LNX2: variants seen among roughly 807,000 people sequenced by gnomAD.
LNX2 encodes ligand of numb-protein X 2, also known as ligand of Numb protein X 2.
LNX2 carries 35 observed loss-of-function variants against 66.2 expected under a neutral mutation model. The ratio of observed to expected loss-of-function variants is 0.53; its 90% CI spans 0.40 to 0.70. The LOEUF (loss-of-function observed/expected upper bound fraction) is 0.70, where lower values mean the gene tolerates loss of function less well. Among genes scored for constraint, LNX2 ranks in the 30% least tolerant of loss-of-function variants. The pLI is 0.00. For synonymous variants in LNX2, 337 were observed against 315.6 expected (o/e 1.07, Z -0.72); for missense variants, 791 against 850.8 (o/e 0.93, Z 0.87).
At chr13:27,592,053 G>T (rs1218045110) in intron 1 of LNX2, among the ~76,000 whole-genome samples, 1 of 152,190 alleles carries the variant, frequency 6.6e-6, no homozygotes, top group Non-Finnish European at 1.5e-5. Context: ...AATGAGGAAA[G>T]TTCAGAGAAG....
intron 1 of LNX2, among the ~76,000 whole-genome samples, chr13:27,583,653 G>A (rs1955449691): frequency 6.6e-6 from 1 of 152,076 alleles, no homozygotes; most frequent in Non-Finnish European, 1.5e-5. Context: ...TACTGCTGAG[G>A]GATCAGGGAT....
In LNX2 at chr13:27,550,506, A is replaced by G; in HGVS notation, c.1779-15T>C. The G allele has an allele frequency of 1.3e-6, 2 of 1,584,628 alleles. No homozygotes were observed. The highest frequency in any genetic ancestry group is 8.6e-7 in the Non-Finnish European group (1 of 1,167,124). ...TATGAAGTGTGCTATAAACAAACAG[A>G]AAAATAAAGAAAAAATTAACATGGA... On this transcript the variant is annotated splice_polypyrimidine_tract_variant and intron_variant, in intron 8 of 9. Transcript: ENST00000316334.
At chr13:27,599,947 T>C (rs796630067) in intron 1 of LNX2, among the ~76,000 whole-genome samples, 16 of 152,246 alleles carry the variant, frequency 1.1e-4, no homozygotes, top group African/African-American at 3.1e-4. Context: ...ACAGCCTAGA[T>C]GAAGAAAACC....
At chr13:27,554,357 A>T (rs1593238204) in intron 7 of LNX2, among the ~76,000 whole-genome samples, 1 of 152,194 alleles carries the variant, frequency 6.6e-6, no homozygotes, top group Non-Finnish European at 1.5e-5. Context: ...TCATCACTAC[A>T]GTAATTTTGA....
chr13:27,554,824 T>C (rs1029456626), intron 7 of LNX2, among the ~76,000 whole-genome samples: 23 of 152,338 alleles, frequency 1.5e-4, no homozygotes, highest in South Asian at 6.2e-4. Flanking sequence ...CCAAAAACAG[T>C]TGTACCACTT....
At chr13:27,584,261 T>A (rs1383971354) in intron 1 of LNX2, among the ~76,000 whole-genome samples, 1 of 152,012 alleles carries the variant, frequency 6.6e-6, no homozygotes, top group Non-Finnish European at 1.5e-5. Flanking sequence ...AACATTAAAG[T>A]AGGCCAGATG....
At chr13:27,559,080 C>G (rs1224207216) in intron 6 of LNX2, among the ~76,000 whole-genome samples, 1 of 151,992 alleles carries the variant, frequency 6.6e-6, no homozygotes, top group Non-Finnish European at 1.5e-5. Context: ...ACTTCTGGCC[C>G]ACTGGAAGTT....
intron 2 of LNX2, among the ~76,000 whole-genome samples, chr13:27,577,887 G>A (rs1387030443): frequency 6.6e-6 from 1 of 152,184 alleles, no homozygotes; most frequent in Non-Finnish European, 1.5e-5. Flanking sequence ...ATGCTATATA[G>A]CTGATGTTGC....
At chr13:27,591,430 T>C (rs894414991) in intron 1 of LNX2, among the ~76,000 whole-genome samples, 3 of 152,364 alleles carry the variant, frequency 2.0e-5, no homozygotes, top group African/African-American at 4.8e-5. Context: ...TAGTTTCCTG[T>C]GTTTCCAAAA....
chr13:27,564,764 GATTTTCAA>G (rs1198861626), intron 4 of LNX2, among the ~76,000 whole-genome samples: 1 of 152,126 alleles, frequency 6.6e-6, no homozygotes, highest in African/African-American at 2.4e-5. Context: ...GCCTCTTCGA[GATTTTCAA>G]ATTGGCTCAC....
Position 27,556,309 on chromosome 13 carries a change from A to G in LNX2, c.1473T>C (p.Ser491=). 1 of 1,613,592 alleles carries G rather than the reference A, an allele frequency of 6.2e-7. No individual in the cohort carries two copies. Among genetic ancestry groups the G allele is most frequent in the East Asian group, 2.2e-5 (1 of 44,840 alleles). Residue 491 remains serine, a synonymous_variant, in exon 7 of 10, where the codon AGT becomes AGC. Transcript: ENST00000316334. ...MTVAGGRGSK[S]GELPIFVTSV... is the part of the protein sequence containing the mutation. Reference sequence around the variant, plus strand: ...TGGTCACAAAGATGGGCAGCTCACCACTCTTACTTCCCCTGCCCCCAGCAA... The same window carrying G: ...TGGTCACAAAGATGGGCAGCTCACCGCTCTTACTTCCCCTGCCCCCAGCAA...
intron 1 of LNX2, among the ~76,000 whole-genome samples, chr13:27,608,475 C>A (rs1237758375): frequency 6.6e-6 from 1 of 152,074 alleles, no homozygotes; most frequent in Non-Finnish European, 1.5e-5. Context: ...TGTTTATTCT[C>A]TTTGCATAGT....
intron 2 of LNX2, among the ~76,000 whole-genome samples, chr13:27,574,920 G>C (rs1326729249): frequency 6.6e-6 from 1 of 152,138 alleles, no homozygotes; most frequent in Admixed American, 6.5e-5. Flanking sequence ...AAAGTTCTGA[G>C]GGAAGGAGAG....
chr13:27,546,849 A>G lies in LNX2; in HGVS notation c.*1486T>C. On this transcript the variant is annotated 3_prime_UTR_variant, in exon 10 of 10. Transcript: ENST00000316334. ...ATATTTTTATCTTATTCACTTATTT[A>G]TGTGTTCAGAGGATAAGTATGTTGA... 1 of 152,164 alleles carries G rather than the reference A, an allele frequency of 6.6e-6. No homozygotes were observed. Among genetic ancestry groups the G allele is most frequent in the Non-Finnish European group, 1.5e-5 (1 of 67,998 alleles). The allele number at this position is 152,164 out of a possible 1,614,324, so 9.4% of individuals were successfully genotyped here.
chr13:27,557,486 G>C (rs1173383739), intron 6 of LNX2, among the ~76,000 whole-genome samples: 1 of 151,998 alleles, frequency 6.6e-6, no homozygotes. Flanking sequence ...ATCCCATTAA[G>C]TGTACAGTGT....
At chr13:27,596,483 G>A (rs1955600292) in intron 1 of LNX2, among the ~76,000 whole-genome samples, 1 of 152,126 alleles carries the variant, frequency 6.6e-6, no homozygotes, top group African/African-American at 2.4e-5. Flanking sequence ...AAAAGATGGT[G>A]AACAGGAAAG....
chr13:27,593,970 C>T (rs146155580), intron 1 of LNX2, among the ~76,000 whole-genome samples: 1 of 151,986 alleles, frequency 6.6e-6, no homozygotes, highest in East Asian at 1.9e-4. Flanking sequence ...CCAATTACTT[C>T]CTTTATACAA....
intron 7 of LNX2, among the ~76,000 whole-genome samples, chr13:27,555,111 G>C (rs1955042014): frequency 6.6e-6 from 1 of 152,096 alleles, no homozygotes; most frequent in Non-Finnish European, 1.5e-5. Context: ...ACCACAGCTA[G>C]CTAATTTTTG....
chr13:27,561,131 A>G (rs1955130477), intron 5 of LNX2, among the ~76,000 whole-genome samples: 1 of 152,264 alleles, frequency 6.6e-6, no homozygotes, highest in South Asian at 2.1e-4. Context: ...ACATCCAAAT[A>G]TAAAATATGA....
Sources: gnomAD v4.1 joint callset for allele counts (sites outside exome capture counted in the v4.1 genomes callset) on GRCh38, gnomAD v4.1.1 for gene constraint, MANE v1.5 for transcripts, NCBI Gene and HGNC (gene_info 2026-07-23, HGNC 2026-07-21) for gene names.